The following FAM53B variants were observed in gnomAD, a reference collection of about 807,000 sequenced individuals.
FAM53B encodes the protein family with sequence similarity 53 member B, also known as protein FAM53B.
FAM53B carries 12 observed loss-of-function variants against 32.7 expected under a neutral mutation model. That is an observed-to-expected ratio of 0.37 (90% CI 0.24 to 0.59). The LOEUF is 0.59. Among genes scored for constraint, FAM53B ranks in the 20% least tolerant of loss-of-function variants. FAM53B has a pLI of 0.72. For missense variants in FAM53B, 477 were observed against 577.7 expected (o/e 0.83, Z 1.79); for synonymous variants, 234 against 228.7 (o/e 1.02, Z -0.21).
At chr10:124,628,492 C>A (rs933491874) in intron 4 of FAM53B, among the ~76,000 whole-genome samples, 30 of 152,210 alleles carry the variant, frequency 2.0e-4, no homozygotes, top group African/African-American at 6.3e-4. Context: ...GCACTGAGAT[C>A]CTCCACTGGC....
At chr10:124,649,156 T>C (rs1043448094) in intron 4 of FAM53B, among the ~76,000 whole-genome samples, 2 of 152,244 alleles carry the variant, frequency 1.3e-5, no homozygotes, top group African/African-American at 4.8e-5. Flanking sequence ...GACAGGTCCC[T>C]TCCAGTTCTG....
chr10:124,701,442 G>T (rs992097440), intron 2 of FAM53B, among the ~76,000 whole-genome samples: 1 of 152,242 alleles, frequency 6.6e-6, no homozygotes, highest in Non-Finnish European at 1.5e-5. Flanking sequence ...CTCTGCCCAG[G>T]AGCAGCCAGC....
At chr10:124,681,449 G>A (rs1949770872) in intron 4 of FAM53B, among the ~76,000 whole-genome samples, 158 bp downstream of exon 4, 1 of 152,090 alleles carries the variant, frequency 6.6e-6, no homozygotes, top group African/African-American at 2.4e-5. Context: ...AAAACCAACT[G>A]GAAATAATCT....
chr10:124,661,870 TG>T (rs1949633198), intron 4 of FAM53B, among the ~76,000 whole-genome samples: 1 of 152,246 alleles, frequency 6.6e-6, no homozygotes, highest in Non-Finnish European at 1.5e-5. Flanking sequence ...CTCTGACGGC[TG>T]GCCTAGCAGG....
intron 1 of FAM53B, among the ~76,000 whole-genome samples, chr10:124,709,352 C>T (rs1949984189): frequency 6.6e-6 from 1 of 152,198 alleles, no homozygotes. Flanking sequence ...ACGGGGCACC[C>T]CAGCTCTCTC....
intron 3 of FAM53B, among the ~76,000 whole-genome samples, chr10:124,691,630 T>C (rs1314562320): frequency 6.6e-6 from 1 of 152,228 alleles, no homozygotes; most frequent in Non-Finnish European, 1.5e-5. Flanking sequence ...GCCTGAGTGC[T>C]GAGGAAAATG....
At chr10:124,672,831 G>T (rs745679246) in intron 4 of FAM53B, among the ~76,000 whole-genome samples, 2 of 152,202 alleles carry the variant, frequency 1.3e-5, no homozygotes, top group African/African-American at 2.4e-5. Context: ...GGACTGGGGG[G>T]TAAGACAGTC....
At chr10:124,666,579 T>C (rs1201191747) in intron 4 of FAM53B, among the ~76,000 whole-genome samples, 1 of 152,142 alleles carries the variant, frequency 6.6e-6, no homozygotes, top group Non-Finnish European at 1.5e-5. Context: ...TGCAAAGCTG[T>C]CTTCTCAGCA....
At chr10:124,703,330 G>A (rs1949928638) in intron 2 of FAM53B, among the ~76,000 whole-genome samples, 1 of 152,202 alleles carries the variant, frequency 6.6e-6, no homozygotes, top group Admixed American at 6.5e-5. Context: ...TTACCGGCGT[G>A]AGCCACCATG....
intron 1 of FAM53B, among the ~76,000 whole-genome samples, chr10:124,729,473 G>C (rs1325961948): frequency 6.6e-6 from 1 of 152,196 alleles, no homozygotes; most frequent in Non-Finnish European, 1.5e-5. Flanking sequence ...AACTATTCTA[G>C]AGCTAAGTTC....
At chr10:124,712,673 G>C (rs1950012396) in intron 1 of FAM53B, among the ~76,000 whole-genome samples, 2 of 152,058 alleles carry the variant, frequency 1.3e-5, no homozygotes, top group African/African-American at 4.8e-5. Flanking sequence ...CCTCCAGCCT[G>C]CTTCCATACA....
At chr10:124,648,857 G>A (rs1440833235) in intron 4 of FAM53B, among the ~76,000 whole-genome samples, 4 of 152,264 alleles carry the variant, frequency 2.6e-5, no homozygotes, top group South Asian at 2.1e-4. Flanking sequence ...AGAAAGCACC[G>A]TCCCAGCCCT....
chr10:124,738,825 T>G (rs1399874211), intron 1 of FAM53B, among the ~76,000 whole-genome samples: 1 of 152,086 alleles, frequency 6.6e-6, no homozygotes, highest in Non-Finnish European at 1.5e-5. Flanking sequence ...GGAAACACTT[T>G]TAAGAATCTC....
intron 1 of FAM53B, among the ~76,000 whole-genome samples, chr10:124,732,990 A>G (rs1950153762): frequency 6.6e-6 from 1 of 152,152 alleles, no homozygotes; most frequent in African/African-American, 2.4e-5. Context: ...CTTTTGGCCT[A>G]TGCGGACGCA....
At chr10:124,662,855 TG>T (rs1232744791) in intron 4 of FAM53B, among the ~76,000 whole-genome samples, 4 of 152,232 alleles carry the variant, frequency 2.6e-5, no homozygotes, top group African/African-American at 7.2e-5. Context: ...ACTCACACCT[TG>T]GTAGGTGCTA....
chr10:124,648,149 G>C (rs1181857614), intron 4 of FAM53B, among the ~76,000 whole-genome samples: 3 of 152,202 alleles, frequency 2.0e-5, no homozygotes, highest in African/African-American at 7.2e-5. Flanking sequence ...CCCTCTCTCT[G>C]AGAACACTGC....
intron 4 of FAM53B, among the ~76,000 whole-genome samples, chr10:124,653,609 C>T (rs561936569): frequency 2.6e-5 from 4 of 152,210 alleles, no homozygotes; most frequent in Non-Finnish European, 4.4e-5. Context: ...TGGGGTCAGA[C>T]TCATGAGCCA....
chr10:124,628,963 T>C (rs1949373439), intron 4 of FAM53B, among the ~76,000 whole-genome samples: 1 of 152,234 alleles, frequency 6.6e-6, no homozygotes, highest in Non-Finnish European at 1.5e-5. Context: ...GGAGCATCCC[T>C]CTCTGTGTCA....
rs758872034 is a variant in FAM53B at position 124,682,376 on chromosome 10, T to C, written c.137A>G (p.Asn46Ser). The C allele has an allele frequency of 1.1e-5, 17 of 1,593,766 alleles. No homozygotes were observed. The Admixed American group carries it at 2.7e-4, about 25-fold the overall frequency. Residue 46 changes from asparagine to serine, a missense_variant, in exon 4 of 5, where the codon AAT becomes AGT. Physicochemically the swap from Asn to Ser is conservative, Grantham distance 46 (BLOSUM62 1). Around this residue, in one of 2 missense-constraint regions of FAM53B, gnomAD observed 312 missense variants for 420.2 expected, o/e 0.74. Coordinates refer to ENST00000337318, the MANE Select transcript of FAM53B (RefSeq NM_014661.4). The surrounding 1 kb of genome is among the most constrained non-coding windows in gnomAD (Gnocchi z 5.2). ...PTLFSCGIME[N>S]DRWRDLDRKC... ...CCTGTCCAGGTCTCGCCATCTGTCA[T>C]TTTCTGGTTCATAAATGACAAGGAG...
Sources: allele counts gnomAD v4.1 joint callset (sites outside exome capture counted in the v4.1 genomes callset), GRCh38; gene constraint gnomAD v4.1.1; regional missense constraint gnomAD v4.1.1; non-coding constraint Gnocchi (gnomAD v3.1); transcripts MANE v1.5; gene names NCBI Gene and HGNC (gene_info 2026-07-23, HGNC 2026-07-21).